NOL4: variants seen among roughly 807,000 people sequenced by gnomAD.
NOL4 encodes the protein cancer/testis antigen 125.
In NOL4, 17 loss-of-function variants were observed where a neutral mutation model predicts 75.9. That is an observed-to-expected ratio of 0.22 (90% CI 0.15 to 0.34). The LOEUF (loss-of-function observed/expected upper bound fraction) is 0.34, where lower values mean the gene tolerates loss of function less well. Ranked by LOEUF, NOL4 falls within the 10% of genes least tolerant of loss-of-function variation. NOL4 has a pLI of 1.00. For synonymous variants in NOL4, 292 were observed against 289.9 expected, an observed-to-expected ratio of 1.01 and a Z score of -0.07; for missense variants, 614 against 793.5, an observed-to-expected ratio of 0.77 and a Z score of 2.72.
intron 10 of NOL4, among the ~76,000 whole-genome samples, chr18:33,870,513 G>A (rs2063646933): frequency 6.6e-6 from 1 of 151,964 alleles, no homozygotes; most frequent in African/African-American, 2.4e-5. Context: ...CATGGGAGCA[G>A]ACCACAGATG....
chr18:34,086,120 A>T (rs2078230340), intron 5 of NOL4, among the ~76,000 whole-genome samples: 1 of 152,184 alleles, frequency 6.6e-6, no homozygotes, highest in Non-Finnish European at 1.5e-5. Context: ...TCATCATGTG[A>T]ATTAGGTTTA....
chr18:34,112,141 G>A (rs1435063302), intron 2 of NOL4, among the ~76,000 whole-genome samples: 1 of 152,106 alleles, frequency 6.6e-6, no homozygotes, highest in African/African-American at 2.4e-5. Flanking sequence ...GGCTGAGGCA[G>A]GTGAATCACC....
intron 5 of NOL4, among the ~76,000 whole-genome samples, chr18:34,023,184 T>C (rs1192051499): frequency 6.6e-6 from 1 of 152,204 alleles, no homozygotes; most frequent in Non-Finnish European, 1.5e-5. Flanking sequence ...AACACTGTCC[T>C]ATAAATCCAA....
rs550659197 is a variant in NOL4, at chr18:33,934,207, A to T, written c.1542+8858T>A. On this transcript the variant is annotated intron_variant, in intron 9 of 10. Coordinates refer to ENST00000261592, the MANE Select transcript of NOL4 (RefSeq NM_003787.5). Reference sequence around the variant, plus strand: ...ACAGTGGGCTTAAAATATTCAGTTAACCATGCTCTAAACAGATGTGCAATC... The same window carrying T: ...ACAGTGGGCTTAAAATATTCAGTTATCCATGCTCTAAACAGATGTGCAATC... 2.0e-5 allele frequency among the ~76,000 whole-genome samples: 3 copies of T among 152,004 alleles called. No homozygotes were observed. In the East Asian group the frequency reaches 5.8e-4, roughly 30 times the overall value.
intron 9 of NOL4, among the ~76,000 whole-genome samples, chr18:33,911,970 T>C (rs2066435751): frequency 6.6e-6 from 1 of 152,106 alleles, no homozygotes; most frequent in South Asian, 2.1e-4. Context: ...GGTAGGAAAA[T>C]AATGTCTCCT....
intron 1 of NOL4, among the ~76,000 whole-genome samples, chr18:34,145,403 A>G (rs912608164): frequency 6.6e-6 from 1 of 151,740 alleles, no homozygotes; most frequent in Non-Finnish European, 1.5e-5. Flanking sequence ...TAAAAGCAGT[A>G]TGATTTAAAC....
intron 9 of NOL4, 131 bp from the exon 10 acceptor site, chr18:33,883,555 C>T (rs1599735238): frequency 7.1e-6 from 4 of 564,644 alleles, no homozygotes; most frequent in Non-Finnish European, 1.1e-5. Context: ...TAAGTAAGCA[C>T]AGATGCACAT....
intron 2 of NOL4, among the ~76,000 whole-genome samples, chr18:34,106,231 G>T (rs552613318): frequency 1.3e-5 from 2 of 152,138 alleles, no homozygotes; most frequent in Non-Finnish European, 2.9e-5. Flanking sequence ...GTGCAAATGG[G>T]TGCTAGTTCT....
In NOL4 at chr18:34,105,250, C is replaced by T. The variant is rs562143074; in HGVS notation, c.415-90G>A. 137 of 832,744 alleles carry T rather than the reference C, an allele frequency of 1.6e-4. 1 individual carries two copies. The South Asian group carries it at 1.8e-3, about 11-fold the overall frequency. The allele number at this position is 832,744 out of a possible 1,614,324, so 51.6% of individuals were successfully genotyped here. A position where few individuals can be genotyped will look rare whatever the true frequency, so the allele number is the denominator to read the frequency against. Reference sequence around the variant, plus strand: ...GATCATTGTATTTCCAAATAAGACACGTTATTCCATAATGGCAGGAAGCAC... The same window carrying T: ...GATCATTGTATTTCCAAATAAGACATGTTATTCCATAATGGCAGGAAGCAC... On this transcript the variant is annotated intron_variant, in intron 2 of 10. Coordinates refer to ENST00000261592, the MANE Select transcript of NOL4 (RefSeq NM_003787.5).
intron 8 of NOL4, among the ~76,000 whole-genome samples, chr18:33,949,373 T>C (rs2069055259): frequency 6.6e-6 from 1 of 152,126 alleles, no homozygotes; most frequent in Non-Finnish European, 1.5e-5. Flanking sequence ...CAATGACTGA[T>C]CCAAGAAGGT....
chr18:34,022,269 C>T (rs1486378682), intron 5 of NOL4, among the ~76,000 whole-genome samples: 1 of 151,598 alleles, frequency 6.6e-6, no homozygotes, highest in East Asian at 1.9e-4. Flanking sequence ...AAAATATGTT[C>T]AAATGGCAAA....
At chr18:33,863,877 T>A (rs1027986001) in intron 10 of NOL4, among the ~76,000 whole-genome samples, 7 of 152,156 alleles carry the variant, frequency 4.6e-5, no homozygotes, top group Admixed American at 3.9e-4. Context: ...TGCCTGGATA[T>A]CCAGGTGTTC....
chr18:34,029,449 C>T (rs1286382869), intron 5 of NOL4, among the ~76,000 whole-genome samples: 1 of 152,108 alleles, frequency 6.6e-6, no homozygotes, highest in East Asian at 1.9e-4. Flanking sequence ...TTTATCAATC[C>T]TCAAAGCAAG....
intron 10 of NOL4, among the ~76,000 whole-genome samples, chr18:33,881,718 T>A (rs756570364): frequency 6.6e-6 from 1 of 152,112 alleles, no homozygotes; most frequent in Non-Finnish European, 1.5e-5. Context: ...AAAGTTCATA[T>A]GGAACCAAAA....
At chr18:33,894,416 G>A (rs934290269) in intron 9 of NOL4, among the ~76,000 whole-genome samples, 3 of 152,056 alleles carry the variant, frequency 2.0e-5, no homozygotes, top group African/African-American at 7.2e-5. Context: ...TCTGTATAAT[G>A]TGCTGTCCTT....
At chr18:34,167,532 T>TTAGATAGATAGATAGATAGATAGATAGA (rs71159861) in intron 1 of NOL4, among the ~76,000 whole-genome samples, 70 of 149,988 alleles carry the variant, frequency 4.7e-4, no homozygotes, top group Non-Finnish European at 6.8e-4. Flanking sequence ...CCTCAAATAA[T>TTAGATAGATAGATAGATAGATAGATAGA]TAGATAGATA....
chr18:34,213,831 C>A (rs1290246748), intron 1 of NOL4, among the ~76,000 whole-genome samples: 3 of 152,062 alleles, frequency 2.0e-5, no homozygotes, highest in African/African-American at 7.2e-5. Flanking sequence ...GGTATAAAAT[C>A]AAAGAAGTAT....
chr18:34,085,380 G>A (rs1220108063), intron 5 of NOL4, among the ~76,000 whole-genome samples: 2 of 152,148 alleles, frequency 1.3e-5, no homozygotes, highest in Non-Finnish European at 2.9e-5. Flanking sequence ...AGAAGATAGT[G>A]ACAAAACCAA....
chr18:34,015,411 C>T (rs928235983), intron 6 of NOL4, among the ~76,000 whole-genome samples: 3 of 152,030 alleles, frequency 2.0e-5, no homozygotes, highest in Non-Finnish European at 4.4e-5. Context: ...AATGTCACTT[C>T]ATCTAAGGAT....
Sources: allele counts gnomAD v4.1 joint callset (sites outside exome capture counted in the v4.1 genomes callset), GRCh38; gene constraint gnomAD v4.1.1; transcripts MANE v1.5; gene names NCBI Gene and HGNC (gene_info 2026-07-23, HGNC 2026-07-21).